The following ASCC1 variants were observed in gnomAD, a reference collection of about 807,000 sequenced individuals.
ASCC1 encodes the protein ASC-1 complex subunit P50.
ASCC1 carries 35 observed loss-of-function variants against 46.6 expected under a neutral mutation model. The ratio of observed to expected loss-of-function variants is 0.75; its 90% CI spans 0.57 to 0.99. ASCC1 has a LOEUF of 0.99. Among genes scored for constraint, ASCC1 ranks in the 50% least tolerant of loss-of-function variants. The probability of loss-of-function intolerance (pLI) is 0.00; values close to 1 mark genes in which losing one functional copy is unlikely to be tolerated. For missense variants in ASCC1, 376 were observed against 428.7 expected (o/e 0.88, Z 1.09); for synonymous variants, 143 against 146.6 (o/e 0.98, Z 0.18).
intron 8 of ASCC1, 136 bp downstream of exon 8, chr10:72,132,920 AT>A: frequency 9.5e-7 from 1 of 1,047,950 alleles, no homozygotes. Flanking sequence ...CACCTCTACT[AT>A]GCTCATCAGA....
chr10:72,208,298 CCAAGACCTGTTACA>C (rs1857509087), intron 3 of ASCC1, among the ~76,000 whole-genome samples: 1 of 150,696 alleles, frequency 6.6e-6, no homozygotes, highest in Non-Finnish European at 1.5e-5. Context: ...CAGATTCACA[CCAAGACCTGTTACA>C]CTGATTTTTT....
At chr10:72,164,044 C>T (rs1168287072) in intron 5 of ASCC1, among the ~76,000 whole-genome samples, 1 of 152,044 alleles carries the variant, frequency 6.6e-6, no homozygotes, top group African/African-American at 2.4e-5. Context: ...CTCGCTACAA[C>T]TTTTGCCTCC....
At chr10:72,128,000 A>C (rs1845088725) in intron 9 of ASCC1, 82 bp downstream of exon 9, 1 of 1,089,454 alleles carries the variant, frequency 9.2e-7, no homozygotes, top group African/African-American at 1.5e-5. Flanking sequence ...AGTATGAAGA[A>C]ATATACGGAG....
chr10:72,186,304 A>AAT (rs1241981451), intron 5 of ASCC1, among the ~76,000 whole-genome samples: 1 of 152,090 alleles, frequency 6.6e-6, no homozygotes, highest in African/African-American at 2.4e-5. Context: ...ATATATTACA[A>AAT]ATATATATGT....
chr10:72,178,369 A>AAG (rs1178953954), intron 5 of ASCC1, among the ~76,000 whole-genome samples: 1 of 152,120 alleles, frequency 6.6e-6, no homozygotes, highest in Non-Finnish European at 1.5e-5. Context: ...AGCGGACTTT[A>AAG]AGAGAGAGAG....
intron 5 of ASCC1, among the ~76,000 whole-genome samples, chr10:72,162,327 C>T (rs879569319): frequency 2.6e-5 from 4 of 152,042 alleles, no homozygotes; most frequent in South Asian, 2.1e-4. Flanking sequence ...CCCGCCACCA[C>T]GCCCGGCTAA....
At chr10:72,174,995 T>C (rs1245625260) in intron 5 of ASCC1, among the ~76,000 whole-genome samples, 1 of 151,958 alleles carries the variant, frequency 6.6e-6, no homozygotes, top group Non-Finnish European at 1.5e-5. Flanking sequence ...ATATGCATGC[T>C]TCCCCTATAC....
chr10:72,100,859 A>G (rs1841672152), intron 9 of ASCC1, among the ~76,000 whole-genome samples: 2 of 152,158 alleles, frequency 1.3e-5, no homozygotes, highest in Admixed American at 1.3e-4. Context: ...AATGAAAACT[A>G]ATGCTGTAGA....
intron 6 of ASCC1, among the ~76,000 whole-genome samples, chr10:72,156,054 G>C (rs954319320): frequency 1.3e-5 from 2 of 152,220 alleles, no homozygotes; most frequent in African/African-American, 4.8e-5. Context: ...CTGTTGAATT[G>C]TAATCCCTAA....
At chr10:72,121,154 T>C (rs774189831) in intron 9 of ASCC1, among the ~76,000 whole-genome samples, 1 of 152,132 alleles carries the variant, frequency 6.6e-6, no homozygotes, top group Non-Finnish European at 1.5e-5. Context: ...TATTTATTCA[T>C]TTATTTTGCG....
chr10:72,151,056 G>C (rs1011886618), intron 7 of ASCC1, among the ~76,000 whole-genome samples: 2 of 152,194 alleles, frequency 1.3e-5, no homozygotes, highest in African/African-American at 4.8e-5. Flanking sequence ...CAAGGATCTA[G>C]AACTAGAAAT....
intron 5 of ASCC1, among the ~76,000 whole-genome samples, chr10:72,191,329 T>G (rs943491674): frequency 6.6e-6 from 1 of 151,284 alleles, no homozygotes; most frequent in Non-Finnish European, 1.5e-5. Context: ...CCTCCCAAAG[T>G]GCTGGGATTA....
At chr10:72,112,706 C>G (rs1373990648) in intron 9 of ASCC1, among the ~76,000 whole-genome samples, 3 of 151,796 alleles carry the variant, frequency 2.0e-5, no homozygotes, top group Non-Finnish European at 4.4e-5. Flanking sequence ...ACATGAAACC[C>G]CATCTCTACT....
intron 8 of ASCC1, among the ~76,000 whole-genome samples, chr10:72,129,441 A>G (rs1245726588): frequency 6.6e-6 from 1 of 152,178 alleles, no homozygotes; most frequent in Admixed American, 6.5e-5. Context: ...AGGCTGAAGC[A>G]GAAGGACCAC....
At chr10:72,110,588 A>C (rs1842819174) in intron 9 of ASCC1, among the ~76,000 whole-genome samples, 1 of 152,206 alleles carries the variant, frequency 6.6e-6, no homozygotes, top group African/African-American at 2.4e-5. Flanking sequence ...GGAGTTCGAG[A>C]CCAGCCTAAC....
At chr10:72,097,506 T>A in intron 9 of ASCC1, 56 bp from the exon 10 acceptor site, 2 of 1,058,578 alleles carry the variant, frequency 1.9e-6, no homozygotes, top group Non-Finnish European at 2.9e-6. Flanking sequence ...ATGAAAATAT[T>A]AAACATCAGA....
At chr10:72,111,792 C>T (rs1454326703) in intron 9 of ASCC1, among the ~76,000 whole-genome samples, 2 of 152,092 alleles carry the variant, frequency 1.3e-5, no homozygotes, top group African/African-American at 4.8e-5. Context: ...CAGGTGCCTG[C>T]CACCACGCCC....
rs1255653745 is a variant in ASCC1 at position 72,097,344 on chromosome 10, T to C, written c.1064A>G (p.Asp355Gly). 6.2e-7 allele frequency: 1 copy of C among 1,607,738 alleles called. No homozygotes were observed. The highest frequency in any genetic ancestry group is 8.5e-7 in the Non-Finnish European group (1 of 1,174,290). The change falls in exon 10 of 10, where the codon GAC (aspartate) becomes GGC (glycine). Residue 355 changes from aspartate to glycine, a missense_variant. Coordinates refer to ENST00000672957, the MANE Select transcript of ASCC1 (RefSeq NM_001198800.3). ...FGNYASCGQI[D>G]FS ...TTTCCAAGATCCACCTCAGGAGAAG[T>C]CAATTTGTCCACAGGAAGCGTAGTT...
chr10:72,123,117 C>T (rs1008561621), intron 9 of ASCC1, among the ~76,000 whole-genome samples: 1 of 152,034 alleles, frequency 6.6e-6, no homozygotes, highest in Admixed American at 6.6e-5. Context: ...GCAGGCAGAT[C>T]ACAAGGTCAG....
Sources: gnomAD v4.1 joint callset for allele counts (sites outside exome capture counted in the v4.1 genomes callset) on GRCh38, gnomAD v4.1.1 for gene constraint, MANE v1.5 for transcripts, NCBI Gene and HGNC (gene_info 2026-07-23, HGNC 2026-07-21) for gene names.